The following LCK variants were observed in gnomAD, a reference collection of about 807,000 sequenced individuals.
The protein encoded by LCK is LCK proto-oncogene, Src family tyrosine kinase, also known as tyrosine-protein kinase Lck.
LCK carries 14 observed loss-of-function variants against 64.6 expected under a neutral mutation model. The ratio of observed to expected loss-of-function variants is 0.22; its 90% confidence interval spans 0.14 to 0.34. LCK has a LOEUF of 0.34. Ranked by LOEUF, LCK falls within the 10% of genes least tolerant of loss-of-function variation. The pLI is 1.00. For synonymous variants in LCK, 277 were observed against 263.6 expected, an observed-to-expected ratio of 1.05 and a Z score of -0.49; for missense variants, 434 against 668.1, an observed-to-expected ratio of 0.65 and a Z score of 3.86.
At chr1:32,266,103 G>C (rs12031199) in intron 1 of LCK, among the ~76,000 whole-genome samples, 10 of 151,962 alleles carry the variant, frequency 6.6e-5, no homozygotes, top group Admixed American at 1.3e-4. Flanking sequence ...AGGACTACAG[G>C]GGCGCACCAC....
chr1:32,259,642 A>AATG (rs1238993466), intron 1 of LCK, among the ~76,000 whole-genome samples: 1 of 148,170 alleles, frequency 6.7e-6, no homozygotes, highest in Non-Finnish European at 1.5e-5. Flanking sequence ...TAATAATAAT[A>AATG]ATAATAATGA....
intron 1 of LCK, among the ~76,000 whole-genome samples, chr1:32,261,410 G>A (rs1569911242): frequency 6.6e-6 from 1 of 151,822 alleles, no homozygotes; most frequent in Admixed American, 6.6e-5. Context: ...CACTTTGGGA[G>A]GCCGAGGTGG....
intron 1 of LCK, among the ~76,000 whole-genome samples, chr1:32,258,623 A>G (rs1639686966): frequency 6.6e-6 from 1 of 151,800 alleles, no homozygotes; most frequent in Non-Finnish European, 1.5e-5. Flanking sequence ...AGTTTCTACT[A>G]AAAAACACGT....
chr1:32,273,812 G>T (rs1162024480), intron 1 of LCK, among the ~76,000 whole-genome samples: 2 of 152,136 alleles, frequency 1.3e-5, no homozygotes, highest in East Asian at 1.9e-4. Context: ...AACAGCGGGG[G>T]CTTGATGGTG....
intron 1 of LCK, among the ~76,000 whole-genome samples, chr1:32,273,398 G>A (rs890886230): frequency 1.3e-5 from 2 of 151,366 alleles, no homozygotes; most frequent in Non-Finnish European, 2.9e-5. Context: ...TGTATAGGGT[G>A]TGTGTGAGTG....
At chr1:32,284,331 G>T (rs566233512) in intron 12 of LCK, among the ~76,000 whole-genome samples, 1 of 145,932 alleles carries the variant, frequency 6.9e-6, no homozygotes, top group Non-Finnish European at 1.5e-5. Context: ...ATATATGTGA[G>T]ATATATATAT....
chr1:32,281,424 C>A (rs1292046489), intron 12 of LCK, among the ~76,000 whole-genome samples: 3 of 147,206 alleles, frequency 2.0e-5, no homozygotes, highest in Non-Finnish European at 3.0e-5. Flanking sequence ...TGTTCTATTG[C>A]ACTCCAGCCT....
chr1:32,263,559 A>G (rs1639838420), intron 1 of LCK, among the ~76,000 whole-genome samples: 2 of 152,024 alleles, frequency 1.3e-5, no homozygotes, highest in South Asian at 4.1e-4. Flanking sequence ...CAACATGGTG[A>G]AACCTTGTCA....
At chr1:32,273,513 C>T (rs897816498) in intron 1 of LCK, among the ~76,000 whole-genome samples, 19 of 151,854 alleles carry the variant, frequency 1.3e-4, no homozygotes, top group African/African-American at 4.6e-4. Flanking sequence ...TTGAGGACAG[C>T]GCTTTCCAAG....
intron 12 of LCK, among the ~76,000 whole-genome samples, chr1:32,283,680 G>T (rs892062244): frequency 6.6e-6 from 1 of 152,016 alleles, no homozygotes; most frequent in Admixed American, 6.6e-5. Context: ...GAGGGGCCTG[G>T]GGAACCTTCT....
intron 1 of LCK, among the ~76,000 whole-genome samples, chr1:32,258,668 G>A (rs1639688829): frequency 7.0e-6 from 1 of 141,884 alleles, no homozygotes; most frequent in South Asian, 2.4e-4. Context: ...GCTAGGCATG[G>A]TGGCGGGTGC....
intron 1 of LCK, among the ~76,000 whole-genome samples, chr1:32,270,758 C>T (rs1640058730): frequency 7.8e-6 from 1 of 128,706 alleles, no homozygotes; most frequent in Non-Finnish European, 1.5e-5. Context: ...GGCTGGAGTG[C>T]AATGGCGCAA....
intron 1 of LCK, among the ~76,000 whole-genome samples, chr1:32,254,497 G>A (rs139394782): frequency 6.6e-6 from 1 of 151,926 alleles, no homozygotes; most frequent in African/African-American, 2.4e-5. Context: ...AGTTTTGTGG[G>A]GTTTTTTTGG....
rs772038521 is a variant in LCK, at chr1:32,279,864, T to C, written c.1065T>C (p.Ile355=). 1.3e-4 allele frequency: 217 copies of C among 1,614,114 alleles called. No homozygotes were observed. The highest frequency in any genetic ancestry group is 1.8e-4 in the Non-Finnish European group (216 of 1,180,048). The change falls in exon 11 of 13, where the codon ATT becomes ATC. Residue 355 remains isoleucine, a synonymous_variant. Transcript: ENST00000336890. The part of the protein sequence containing the change: ...AAQIAEGMAF[I]EERNYIHRDL... ...AGATTGCAGAAGGCATGGCATTCAT[T>C]GAAGAGCGGAATTATATTCATCGTG...
rs1393997550 is a variant in LCK at position 32,275,019 on chromosome 1, T to C, written c.214T>C (p.Tyr72His). ...QDNLVIALHS[Y>H]EPSHDGDLGF... Reference sequence around the variant, plus strand: ...CAACCTGGTTATCGCTCTGCACAGCTATGAGCCCTCTCACGACGGAGATCT... The same window carrying C: ...CAACCTGGTTATCGCTCTGCACAGCCATGAGCCCTCTCACGACGGAGATCT... Residue 72 changes from tyrosine to histidine, a missense_variant, in exon 4 of 13, where the codon TAT becomes CAT. Coordinates refer to ENST00000336890, the MANE Select transcript of LCK (RefSeq NM_005356.5). The surrounding 1 kb of genome is among the most constrained non-coding windows in gnomAD (Gnocchi z 6.9). 2.5e-6 allele frequency: 4 copies of C among 1,614,184 alleles called. No homozygotes were observed. Among genetic ancestry groups the C allele is most frequent in the Non-Finnish European group, 3.4e-6 (4 of 1,180,026 alleles).
intron 1 of LCK, among the ~76,000 whole-genome samples, chr1:32,261,147 G>C (rs1639757884): frequency 1.3e-5 from 2 of 150,682 alleles, no homozygotes; most frequent in Admixed American, 1.3e-4. Flanking sequence ...GCTCACTGCA[G>C]CCTTGACTTC....
intron 9 of LCK, among the ~76,000 whole-genome samples, chr1:32,278,559 G>T (rs531117106): frequency 6.6e-6 from 1 of 152,052 alleles, no homozygotes; most frequent in South Asian, 2.1e-4. Context: ...GGCTGGTCTC[G>T]ATCTCCTGTC....
chr1:32,283,680 G>C (rs892062244), intron 12 of LCK, among the ~76,000 whole-genome samples: 1 of 152,016 alleles, frequency 6.6e-6, no homozygotes, highest in Non-Finnish European at 1.5e-5. Flanking sequence ...GAGGGGCCTG[G>C]GGAACCTTCT....
chr1:32,274,984 TC>T lies in LCK; in HGVS notation c.188-8del. On this transcript the variant is annotated splice_polypyrimidine_tract_variant and splice_region_variant and intron_variant, in intron 3 of 12. Transcript: ENST00000336890. ...GCTCGGTTCTCCCTGATGCCCCTTGTCTTTACAGACAACCTGGTTATCGCTC... is the reference window on the plus strand; with the variant it reads ...GCTCGGTTCTCCCTGATGCCCCTTGTTTTACAGACAACCTGGTTATCGCTC... 3 of 1,614,200 alleles carry T rather than the reference TC, an allele frequency of 1.9e-6. No individual in the cohort carries two copies. Among genetic ancestry groups the T allele is most frequent in the Non-Finnish European group, 2.5e-6 (3 of 1,180,034 alleles).
Sources: gnomAD v4.1 joint callset for allele counts (sites outside exome capture counted in the v4.1 genomes callset) on GRCh38, gnomAD v4.1.1 for gene constraint, Gnocchi (gnomAD v3.1) non-coding constraint, MANE v1.5 for transcripts, NCBI Gene and HGNC (gene_info 2026-07-23, HGNC 2026-07-21) for gene names.